Variants in CDON observed in about 807,000 individuals in gnomAD.
CDON encodes the protein cell adhesion associated, oncogene regulated.
CDON carries 73 observed loss-of-function variants against 120.9 expected under a neutral mutation model. The ratio of observed to expected loss-of-function variants is 0.60; its 90% CI spans 0.50 to 0.73. CDON has a LOEUF of 0.73. CDON is among the 30% of genes least tolerant of loss of function. CDON has a pLI of 0.00. For missense variants in CDON, 1,470 were observed against 1,587.3 expected (o/e 0.93, Z 1.26); for synonymous variants, 566 against 573.5 (o/e 0.99, Z 0.19).
At chr11:126,038,513 A>C (rs1948165022) in intron 1 of CDON, among the ~76,000 whole-genome samples, 1 of 152,030 alleles carries the variant, frequency 6.6e-6, no homozygotes, top group African/African-American at 2.4e-5. Flanking sequence ...TTAGCTGGGC[A>C]TGGTGGCGGG....
chr11:125,980,968 A>T (rs1389865606), intron 17 of CDON, 81 bp downstream of exon 17: 2 of 1,447,340 alleles, frequency 1.4e-6, no homozygotes, highest in Non-Finnish European at 1.9e-6. Context: ...TATACTGAAC[A>T]AAGCCAAGCA....
At chr11:125,977,343 G>GT (rs1371172365) in intron 18 of CDON, among the ~76,000 whole-genome samples, 2 of 152,132 alleles carry the variant, frequency 1.3e-5, no homozygotes, top group African/African-American at 4.8e-5. Context: ...CTGGAACAAC[G>GT]TATTTTTAAT....
intron 1 of CDON, among the ~76,000 whole-genome samples, chr11:126,059,573 G>T (rs1369399879): frequency 6.7e-6 from 1 of 149,240 alleles, no homozygotes; most frequent in Non-Finnish European, 1.5e-5. Flanking sequence ...CTGCAGGGCA[G>T]AAATTCCTCA....
intron 18 of CDON, among the ~76,000 whole-genome samples, chr11:125,976,767 A>G (rs1238561192): frequency 6.6e-6 from 1 of 152,182 alleles, no homozygotes; most frequent in Non-Finnish European, 1.5e-5. Flanking sequence ...TTGGCAGGAA[A>G]TTGCCAGAGA....
intron 11 of CDON, among the ~76,000 whole-genome samples, chr11:125,997,948 T>TA (rs1237777865): frequency 6.6e-6 from 1 of 152,154 alleles, no homozygotes; most frequent in Non-Finnish European, 1.5e-5. Context: ...ATCTGACTGA[T>TA]AAAATCAATA....
At chr11:126,050,436 C>CCA (rs1948526780) in intron 1 of CDON, among the ~76,000 whole-genome samples, 1 of 151,018 alleles carries the variant, frequency 6.6e-6, no homozygotes, top group African/African-American at 2.4e-5. Flanking sequence ...ATCATTTAGT[C>CCA]TTCATGATTT....
intron 15 of CDON, among the ~76,000 whole-genome samples, chr11:125,988,438 C>T (rs1168363433): frequency 2.0e-5 from 3 of 152,072 alleles, no homozygotes; most frequent in African/African-American, 7.2e-5. Flanking sequence ...TGCAGTGGCC[C>T]GATCTTGGCT....
At position 126,015,517 on chromosome 11, in the gene CDON, A is replaced by G. The variant is rs1266789080; in HGVS notation, c.929-7T>C. 6.2e-7 allele frequency: 1 copy of G among 1,613,672 alleles called. No individual in the cohort carries two copies. Among genetic ancestry groups the G allele is most frequent in the African/African-American group, 1.3e-5 (1 of 75,054 alleles). On this transcript the variant is annotated splice_region_variant and splice_polypyrimidine_tract_variant and intron_variant, in intron 6 of 19. Coordinates refer to ENST00000531738, the MANE Select transcript of CDON (RefSeq NM_001378964.1). ...TTAGAAATGGAAGCATGTTCTGAAA[A>G]TAAAACACACAAATTAAACTCTAGC...
Position 126,010,340 on chromosome 11 carries a change from C to A in CDON, c.1552+1G>T. ...AAAAATAAATAATAATGGCAACTCA[C>A]CAACCATGAGAGATGCTTCTGCCTG... is the stretch of plus-strand genomic sequence containing the variant. On this transcript the variant is annotated splice_donor_variant, in intron 8 of 19. Coordinates refer to ENST00000531738, the MANE Select transcript of CDON (RefSeq NM_001378964.1). LOFTEE classifies it high-confidence loss of function. 2 of 1,595,296 alleles carry A rather than the reference C, an allele frequency of 1.3e-6. No individual in the cohort carries two copies. Among genetic ancestry groups the A allele is most frequent in the Non-Finnish European group, 1.7e-6 (2 of 1,168,708 alleles).
At chr11:126,046,689 C>G (rs1352406005) in intron 1 of CDON, among the ~76,000 whole-genome samples, 3 of 152,112 alleles carry the variant, frequency 2.0e-5, no homozygotes, top group African/African-American at 7.2e-5. Context: ...AAATCCCAAT[C>G]TTCAATGGCC....
intron 11 of CDON, among the ~76,000 whole-genome samples, chr11:126,000,710 T>C (rs1946919162): frequency 1.3e-5 from 2 of 152,164 alleles, no homozygotes; most frequent in African/African-American, 4.8e-5. Flanking sequence ...ATAAGAGCAC[T>C]CAAGTAAAAG....
chr11:125,994,728 T>TTTAG, intron 13 of CDON, 143 bp downstream of exon 13: 1 of 753,468 alleles, frequency 1.3e-6, no homozygotes, highest in Non-Finnish European at 2.3e-6. Flanking sequence ...TGTGCTCTTA[T>TTTAG]TTAGACAAAT....
intron 2 of CDON, 42 bp downstream of exon 2, chr11:126,023,359 T>G (rs1379151901): frequency 8.5e-7 from 1 of 1,175,630 alleles, no homozygotes; most frequent in Non-Finnish European, 1.3e-6. Context: ...AGGATTAAGA[T>G]GAGTAAAGGC....
chr11:125,981,970 C>CTTTTTTTTTTTTTTTTTTTT lies in CDON; in HGVS notation c.2996-661_2996-642dup, dbSNP rs61446837. Among the ~76,000 whole-genome samples the CTTTTTTTTTTTTTTTTTTTT allele has an allele frequency of 2.2e-4, 12 of 54,296 alleles. 3 individuals carry two copies. Among genetic ancestry groups the CTTTTTTTTTTTTTTTTTTTT allele is most frequent in the East Asian group, 1.8e-3 (3 of 1,642 alleles). 35.6% of individuals were successfully genotyped at this position (54,296 alleles called of 152,430 possible). A position where few individuals can be genotyped will look rare whatever the true frequency, so the allele number is the denominator to read the frequency against. On this transcript the variant is annotated intron_variant, in intron 16 of 19. Transcript: ENST00000531738. ...CAAAGGCAAAAAGTGATTCTATTTT[C>CTTTTTTTTTTTTTTTTTTTT]TTTTTTTTTTTTTTTTTTTTTTTTT...
rs1343553572 is a variant in CDON at position 126,001,761 on chromosome 11, T to C, written c.2116A>G (p.Asn706Asp). The change falls in exon 11 of 20, where the codon AAT (asparagine) becomes GAT (aspartate). Residue 706 changes from asparagine to aspartate, a missense_variant. Asn to Asp is a conservative substitution (Grantham distance 23, BLOSUM62 1). Coordinates refer to ENST00000531738, the MANE Select transcript of CDON (RefSeq NM_001378964.1). Reference sequence around the variant, plus strand: ...GAATCTGTAAGTACCACTCCAAAATTGTTGTTTGCAGCCTCTGAAACAACG... The same window carrying C: ...GAATCTGTAAGTACCACTCCAAAATCGTTGTTTGCAGCCTCTGAAACAACG... Reference protein sequence around the residue: ...YPVVSEAANNNFGVVLTDSSR... With the variant: ...YPVVSEAANNDFGVVLTDSSR... 1 of 1,613,494 alleles carries C rather than the reference T, an allele frequency of 6.2e-7. No homozygotes were observed. Among genetic ancestry groups the C allele is most frequent in the Non-Finnish European group, 8.5e-7 (1 of 1,179,562 alleles).
At position 126,001,841 on chromosome 11, in the gene CDON, G is replaced by T. The variant is rs201628624; in HGVS notation, c.2036C>A (p.Ala679Glu). 352 of 1,596,536 alleles carry T rather than the reference G, an allele frequency of 2.2e-4. 1 individual carries two copies. Among genetic ancestry groups the T allele is most frequent in the Non-Finnish European group, 3.8e-5 (44 of 1,163,874 alleles). The change falls in exon 11 of 20, where the codon GCG becomes GAG. Residue 679 changes from alanine (A) to glutamate (E), a missense_variant. Transcript: ENST00000531738. ...LTFRTSKEKT[A>E]SSKNTQASSP... is the part of the protein sequence containing the mutation. ...GGATGCCTGGGTGTTTTTTGATGACGCTGTTTTTTCTAGAAAGGTAAATAA... is the reference window on the plus strand; with the variant it reads ...GGATGCCTGGGTGTTTTTTGATGACTCTGTTTTTTCTAGAAAGGTAAATAA...
intron 1 of CDON, among the ~76,000 whole-genome samples, chr11:126,031,134 T>C (rs1262068404): frequency 2.6e-5 from 4 of 152,176 alleles, no homozygotes; most frequent in African/African-American, 9.7e-5. Context: ...AATTCATCTT[T>C]TATTCAGTAA....
Position 126,015,315 on chromosome 11 carries a change from A to C in CDON, c.1124T>G (p.Val375Gly). 6.2e-7 allele frequency: 1 copy of C among 1,614,070 alleles called. No homozygotes were observed. The highest frequency in any genetic ancestry group is 8.5e-7 in the Non-Finnish European group (1 of 1,179,974). The change falls in exon 7 of 20, where the codon GTT (valine) becomes GGT (glycine). Residue 375 changes from valine to glycine, a missense_variant. Physicochemically the swap from Val to Gly is moderately radical, Grantham distance 109. Transcript: ENST00000531738. ...ATCTGCTACACACTGATACATCCCAACATCTTCCACAGTAACCCCACTGAT... is the reference window on the plus strand; with the variant it reads ...ATCTGCTACACACTGATACATCCCACCATCTTCCACAGTAACCCCACTGAT... ...LKISGVTVEDVGMYQCVADNG... is the reference protein window; with the variant it reads ...LKISGVTVEDGGMYQCVADNG...
At chr11:125,992,351 A>G (rs557621194) in intron 14 of CDON, among the ~76,000 whole-genome samples, 1 of 152,312 alleles carries the variant, frequency 6.6e-6, no homozygotes, top group South Asian at 2.1e-4. Flanking sequence ...ATTTCTTTTT[A>G]AAAATAGGCT....
Sources: gnomAD v4.1 joint callset for allele counts (sites outside exome capture counted in the v4.1 genomes callset) on GRCh38, gnomAD v4.1.1 for gene constraint, MANE v1.5 for transcripts, NCBI Gene and HGNC (gene_info 2026-07-23, HGNC 2026-07-21) for gene names.